Variants in NRG1 observed in about 807,000 individuals in gnomAD.
NRG1 encodes pro-neuregulin-1, membrane-bound isoform.
In NRG1, 18 loss-of-function variants were observed where a neutral mutation model predicts 63.8. That is an observed-to-expected ratio of 0.28 (90% confidence interval 0.19 to 0.42). The LOEUF (loss-of-function observed/expected upper bound fraction) is 0.42, where lower values mean the gene tolerates loss of function less well. NRG1 is among the 10% of genes least tolerant of loss of function. The pLI, the probability that NRG1 is intolerant of heterozygous loss-of-function variation, is 1.00. For missense variants in NRG1, 762 were observed against 814.7 expected (o/e 0.94, Z 0.79); for synonymous variants, 302 against 301.3 (o/e 1.00, Z -0.02).
chr8:32,166,444 C>T (rs1188594153), intron 1 of NRG1, among the ~76,000 whole-genome samples: 3 of 152,088 alleles, frequency 2.0e-5, no homozygotes, highest in East Asian at 1.9e-4. Flanking sequence ...CTTGGCTCTA[C>T]GGATTCATTT....
intron 1 of NRG1, among the ~76,000 whole-genome samples, chr8:31,825,143 C>T (rs1824416316): frequency 6.6e-6 from 1 of 152,132 alleles, no homozygotes; most frequent in Admixed American, 6.5e-5. Flanking sequence ...GTAATCCCAG[C>T]ACTTTAGAAG....
chr8:32,251,910 T>G (rs1849157383), intron 1 of NRG1, among the ~76,000 whole-genome samples: 1 of 151,946 alleles, frequency 6.6e-6, no homozygotes, highest in Middle Eastern at 3.2e-3. Flanking sequence ...ATGTCATTTC[T>G]CTAATGACCA....
At chr8:31,799,465 T>C (rs1486897517) in intron 1 of NRG1, among the ~76,000 whole-genome samples, 1 of 152,138 alleles carries the variant, frequency 6.6e-6, no homozygotes, top group East Asian at 1.9e-4. Context: ...TTTAGATTCT[T>C]TTAGAGAATT....
At chr8:32,684,631 T>C (rs538724120) in intron 5 of NRG1, among the ~76,000 whole-genome samples, 3 of 152,284 alleles carry the variant, frequency 2.0e-5, no homozygotes, top group South Asian at 4.1e-4. Flanking sequence ...AATATCATTC[T>C]TTTTTTAAAA....
chr8:31,704,140 C>T (rs74390478), intron 1 of NRG1, among the ~76,000 whole-genome samples: 2,168 of 152,322 alleles, frequency 0.014, 53 homozygotes, highest in African/African-American at 0.05. Flanking sequence ...TATATTTCTA[C>T]AAAGGTCTAG....
chr8:32,371,386 A>G (rs566140367), intron 1 of NRG1, among the ~76,000 whole-genome samples: 68 of 152,322 alleles, frequency 4.5e-4, no homozygotes, highest in African/African-American at 1.5e-3. Context: ...TGAGTTTTAC[A>G]TGATATGGAT....
chr8:32,243,268 A>G (rs1007359061), intron 1 of NRG1, among the ~76,000 whole-genome samples: 2 of 152,060 alleles, frequency 1.3e-5, no homozygotes, highest in African/African-American at 4.8e-5. Context: ...GCAAAATAAT[A>G]CAAAAATTAG....
At chr8:32,709,236 C>T (rs545948141) in intron 5 of NRG1, among the ~76,000 whole-genome samples, 9 of 152,166 alleles carry the variant, frequency 5.9e-5, no homozygotes, top group East Asian at 1.9e-4. Flanking sequence ...ATTTTAGTCA[C>T]GCCTCTTATA....
At chr8:32,732,799 C>CTTTTTTTTTT (rs1173388613) in intron 6 of NRG1, among the ~76,000 whole-genome samples, 23 of 83,358 alleles carry the variant, frequency 2.8e-4, no homozygotes, top group East Asian at 4.3e-4. Context: ...TGTTTAATTT[C>CTTTTTTTTTT]TTTTTTTTTT....
At chr8:32,676,647 A>G (rs1807194140) in intron 5 of NRG1, among the ~76,000 whole-genome samples, 1 of 152,160 alleles carries the variant, frequency 6.6e-6, no homozygotes, top group Non-Finnish European at 1.5e-5. Flanking sequence ...AACGGCTGAC[A>G]CTTACTCAAT....
intron 5 of NRG1, among the ~76,000 whole-genome samples, chr8:32,722,207 C>T (rs1434177688): frequency 6.6e-6 from 1 of 152,136 alleles, no homozygotes; most frequent in African/African-American, 2.4e-5. Context: ...AGGACTAATT[C>T]ATTCAAGGGA....
chr8:31,962,591 T>C (rs1220256134), intron 1 of NRG1, among the ~76,000 whole-genome samples: 1 of 152,184 alleles, frequency 6.6e-6, no homozygotes, highest in Non-Finnish European at 1.5e-5. Context: ...TGGAGTTTTC[T>C]ATATTTTCAA....
Position 31,711,929 on chromosome 8 carries a change from C to A in NRG1, c.37+72498C>A, listed in dbSNP as rs559086471. ...GGCTCTGCCCACATGACCTAATCACCTCCCAAAGGTCCCATCTCCTAATAC... is the reference window on the plus strand; with the variant it reads ...GGCTCTGCCCACATGACCTAATCACATCCCAAAGGTCCCATCTCCTAATAC... On this transcript the variant is annotated intron_variant, in intron 1 of 10. Coordinates refer to the NRG1 transcript ENST00000519301. Among the ~76,000 whole-genome samples the A allele has an allele frequency of 3.9e-5, 6 of 152,256 alleles. No homozygotes were observed. The East Asian group carries it at 1.2e-3, about 29-fold the overall frequency.
intron 5 of NRG1, chr8:32,648,009 G>T (rs1299064873): frequency 6.2e-7 from 1 of 1,614,156 alleles, no homozygotes; most frequent in South Asian, 1.1e-5. Context: ...CCTCAAGTGG[G>T]TATTTGTGGA....
intron 1 of NRG1, among the ~76,000 whole-genome samples, chr8:32,161,490 T>C (rs1838824283): frequency 6.6e-6 from 1 of 152,150 alleles, no homozygotes; most frequent in Non-Finnish European, 1.5e-5. Context: ...GAAAAATAAT[T>C]GTGTCTATAT....
intron 7 of NRG1, among the ~76,000 whole-genome samples, chr8:32,745,849 G>A (rs1028457966): frequency 6.6e-5 from 10 of 152,138 alleles, no homozygotes; most frequent in Non-Finnish European, 1.2e-4. Context: ...CCTAATTATA[G>A]AATAGCTCAA....
At chr8:32,536,654 G>C (rs1397693910) in intron 1 of NRG1, among the ~76,000 whole-genome samples, 1 of 152,048 alleles carries the variant, frequency 6.6e-6, no homozygotes, top group East Asian at 1.9e-4. Flanking sequence ...CGAGCGCGGT[G>C]GCTCATGCCT....
At chr8:31,719,603 G>A (rs544731406) in intron 1 of NRG1, among the ~76,000 whole-genome samples, 6 of 152,192 alleles carry the variant, frequency 3.9e-5, no homozygotes, top group Non-Finnish European at 5.9e-5. Context: ...AAATCGCTGC[G>A]GTTACTTTAG....
chr8:32,608,231 T>G (rs1845692978), intron 3 of NRG1, among the ~76,000 whole-genome samples: 1 of 151,460 alleles, frequency 6.6e-6, no homozygotes, highest in Admixed American at 6.6e-5. Context: ...CAGGCTAGGG[T>G]GCAGAGGTGT....
Sources: allele counts gnomAD v4.1 joint callset (sites outside exome capture counted in the v4.1 genomes callset), GRCh38; gene constraint gnomAD v4.1.1; transcripts MANE v1.5; gene names NCBI Gene and HGNC (gene_info 2026-07-23, HGNC 2026-07-21).